Variants in BTG4 observed in about 807,000 individuals in gnomAD.
BTG4 encodes protein BTG4.
In BTG4, 10 loss-of-function variants were observed where a neutral mutation model predicts 19.3. The ratio of observed to expected loss-of-function variants is 0.52; its 90% CI spans 0.32 to 0.88. BTG4 has a LOEUF of 0.88. Among genes scored for constraint, BTG4 ranks in the 40% least tolerant of loss-of-function variants. The probability of loss-of-function intolerance (pLI) is 0.04; values close to 1 mark genes in which losing one functional copy is unlikely to be tolerated. For synonymous variants in BTG4, 91 were observed against 95.7 expected (o/e 0.95, Z 0.29); for missense variants, 238 against 281.9 (o/e 0.84, Z 1.11).
At chr11:111,394,267 T>G in the BTG4 span, among the ~76,000 whole-genome samples, 3 of 152,230 alleles carry the variant, frequency 2.0e-5, no homozygotes, top group Admixed American at 2.0e-4. Context: ...TCCATACTGA[T>G]ATGGTTTGGC....
the BTG4 span, among the ~76,000 whole-genome samples, chr11:111,389,759 A>C: frequency 6.6e-6 from 1 of 152,216 alleles, no homozygotes; most frequent in Non-Finnish European, 1.5e-5. Context: ...AATAAATATA[A>C]ACTGATCGGC....
chr11:111,494,905 C>T lies in BTG4; in HGVS notation c.*230G>A. 1 of 984,850 alleles carries T rather than the reference C, an allele frequency of 1.0e-6. No individual in the cohort carries two copies. The highest frequency in any genetic ancestry group is 1.2e-6 in the Non-Finnish European group (1 of 829,450). The allele number at this position is 984,850 out of a possible 1,614,324, so 61.0% of individuals were successfully genotyped here. ...TCAACATCTTCATTCTGTTACCTTA[C>T]TGGGTACATTCACTGATGTTACATA... On this transcript the variant is annotated 3_prime_UTR_variant, in exon 5 of 5. Transcript: ENST00000692032.
At chr11:111,491,451 T>C (rs1026181275), downstream of BTG4, among the ~76,000 whole-genome samples, 2 of 152,064 alleles carry the variant, frequency 1.3e-5, no homozygotes, top group Non-Finnish European at 2.9e-5. Flanking sequence ...GATAAAAATT[T>C]TTTTAAAAAG....
the BTG4 span, among the ~76,000 whole-genome samples, chr11:111,403,235 G>T: frequency 6.6e-6 from 1 of 152,294 alleles, no homozygotes; most frequent in South Asian, 2.1e-4. Context: ...AAACACAATT[G>T]TGTACATAGA....
the BTG4 span, among the ~76,000 whole-genome samples, chr11:111,434,671 C>A: frequency 6.6e-6 from 1 of 150,672 alleles, no homozygotes; most frequent in East Asian, 1.9e-4. Context: ...ATATACCCAT[C>A]TATGGTAAAC....
the BTG4 span, chr11:111,456,536 C>A: frequency 0.09 from 40,975 of 456,204 alleles, 2,173 homozygotes; most frequent in African/African-American, 0.12. The surrounding 1 kb of genome is among the most constrained non-coding windows in gnomAD (Gnocchi z 4.2). Context: ...CCTCCTGGTG[C>A]TGATGACATC....
chr11:111,499,177 A>G (rs902709823), intron 1 of BTG4, among the ~76,000 whole-genome samples: 1 of 152,238 alleles, frequency 6.6e-6, no homozygotes, highest in Non-Finnish European at 1.5e-5. Context: ...TTCAGGAGAG[A>G]GTAATTCCAA....
chr11:111,463,867 C>T (rs1863562314), downstream of BTG4, among the ~76,000 whole-genome samples: 1 of 152,136 alleles, frequency 6.6e-6, no homozygotes, highest in East Asian at 1.9e-4. Flanking sequence ...ATTGGCAGAC[C>T]TCAAGTCCTT....
the BTG4 span, chr11:111,404,699 G>A: frequency 5.0e-5 from 23 of 455,858 alleles, no homozygotes; most frequent in African/African-American, 4.2e-4. Context: ...GGTGAAGAAT[G>A]TCCTTTTTCT....
intron 1 of BTG4, among the ~76,000 whole-genome samples, chr11:111,511,331 A>G (rs1866893558): frequency 6.6e-6 from 1 of 152,272 alleles, no homozygotes; most frequent in African/African-American, 2.4e-5. Context: ...GCTATAACTT[A>G]TTCAAACATC....
chr11:111,477,191 G>A (rs887592960), intron 5 of BTG4, among the ~76,000 whole-genome samples: 4 of 152,128 alleles, frequency 2.6e-5, no homozygotes, highest in African/African-American at 9.7e-5. Flanking sequence ...CTTTTAGTAA[G>A]CACATGCTTT....
intron 5 of BTG4, among the ~76,000 whole-genome samples, chr11:111,471,585 C>T (rs78633884): frequency 1.8e-3 from 278 of 152,288 alleles, no homozygotes; most frequent in African/African-American, 6.1e-3. Flanking sequence ...GCTCTTTTCT[C>T]CGGCCTCTTA....
At chr11:111,455,698 G>A in the BTG4 span, 23 of 408,286 alleles carry the variant, frequency 5.6e-5, no homozygotes, top group Middle Eastern at 3.5e-4. Flanking sequence ...AGGGGGTCCC[G>A]GAACTGGCCA....
chr11:111,503,839 T>C (rs572892850), intron 1 of BTG4, among the ~76,000 whole-genome samples: 3 of 152,154 alleles, frequency 2.0e-5, no homozygotes, highest in Admixed American at 6.6e-5. Flanking sequence ...GGCTAAGGAA[T>C]AGTCAAGCCC....
chr11:111,398,592 T>C, the BTG4 span, among the ~76,000 whole-genome samples: 2 of 152,144 alleles, frequency 1.3e-5, no homozygotes, highest in African/African-American at 4.8e-5. Flanking sequence ...TAGCTGGGAC[T>C]ACAGGCACCC....
chr11:111,512,200 G>C lies in BTG4; in HGVS notation c.-46C>G, dbSNP rs1260479471. The C allele has an allele frequency of 6.6e-6, 1 of 152,232 alleles. No homozygotes were observed. The highest frequency in any genetic ancestry group is 2.4e-5 in the African/African-American group (1 of 41,454). 9.4% of individuals were successfully genotyped at this position (152,232 alleles called of 1,614,324 possible). On this transcript the variant is annotated 5_prime_UTR_variant, in exon 1 of 5. Coordinates refer to ENST00000692032, the MANE Select transcript of BTG4 (RefSeq NM_001367975.1). ...AGGTACCTGGGAAGCCGCTTTCCCAGGGCGGAATGGTCACGGAAACTGGGT... is the reference window on the plus strand; with the variant it reads ...AGGTACCTGGGAAGCCGCTTTCCCACGGCGGAATGGTCACGGAAACTGGGT...
the BTG4 span, among the ~76,000 whole-genome samples, chr11:111,441,923 G>A: frequency 6.6e-6 from 1 of 151,904 alleles, no homozygotes. Context: ...GCCAGGCATG[G>A]TGGTGCATGC....
At chr11:111,504,328 CA>C (rs1482954008) in intron 1 of BTG4, among the ~76,000 whole-genome samples, 2 of 151,926 alleles carry the variant, frequency 1.3e-5, no homozygotes, top group Admixed American at 1.3e-4. Flanking sequence ...TTGCATTTCC[CA>C]AAACATTATC....
At chr11:111,410,208 G>C in the BTG4 span, among the ~76,000 whole-genome samples, 1 of 151,564 alleles carries the variant, frequency 6.6e-6, no homozygotes, top group Non-Finnish European at 1.5e-5. Context: ...CAGGGTTTTG[G>C]CTCTGTCACC....
Sources: gnomAD v4.1 joint callset for allele counts (sites outside exome capture counted in the v4.1 genomes callset) on GRCh38, gnomAD v4.1.1 for gene constraint, Gnocchi (gnomAD v3.1) non-coding constraint, MANE v1.5 for transcripts, NCBI Gene and HGNC (gene_info 2026-07-23, HGNC 2026-07-21) for gene names.